Variants in NKAIN2 observed in about 807,000 individuals in gnomAD.
NKAIN2 encodes sodium/potassium-transporting ATPase subunit beta-1-interacting protein 2.
Under a neutral mutation model 32.6 loss-of-function variants are expected in NKAIN2, and 14 were observed. The observed-to-expected ratio is 0.43, with a 90% CI of 0.28 to 0.67. The LOEUF is 0.67. Among genes scored for constraint, NKAIN2 ranks in the 30% least tolerant of loss-of-function variants. The probability of loss-of-function intolerance (pLI) is 0.17; values close to 1 mark genes in which losing one functional copy is unlikely to be tolerated. For synonymous variants in NKAIN2, 80 were observed against 87.2 expected (o/e 0.92, Z 0.46); for missense variants, 198 against 258.3 (o/e 0.77, Z 1.60).
At chr6:124,401,806 A>G (rs1169158561) in intron 3 of NKAIN2, among the ~76,000 whole-genome samples, 1 of 152,062 alleles carries the variant, frequency 6.6e-6, no homozygotes, top group East Asian at 1.9e-4. Flanking sequence ...TCTGGTTTTG[A>G]ACTCCCTGCT....
intron 3 of NKAIN2, among the ~76,000 whole-genome samples, chr6:124,427,567 G>A (rs1384613204): frequency 6.6e-6 from 1 of 152,160 alleles, no homozygotes; most frequent in African/African-American, 2.4e-5. Context: ...GGACTTTTCA[G>A]CAAATCATTG....
chr6:124,469,409 A>G (rs1216841480), intron 3 of NKAIN2, among the ~76,000 whole-genome samples: 1 of 152,172 alleles, frequency 6.6e-6, no homozygotes, highest in Non-Finnish European at 1.5e-5. Context: ...AAATGCATAT[A>G]TTAATGGACC....
At chr6:124,451,990 T>G (rs578101509) in intron 3 of NKAIN2, among the ~76,000 whole-genome samples, 5 of 151,956 alleles carry the variant, frequency 3.3e-5, no homozygotes, top group African/African-American at 1.2e-4. Context: ...AGTCCAGGAG[T>G]TTGAGACCAG....
chr6:123,991,878 G>A (rs547740489), intron 1 of NKAIN2, among the ~76,000 whole-genome samples: 17 of 151,592 alleles, frequency 1.1e-4, no homozygotes, highest in African/African-American at 3.6e-4. Flanking sequence ...GTGTGTGTGT[G>A]TATATATATA....
At chr6:123,969,024 T>C (rs953178521) in intron 1 of NKAIN2, among the ~76,000 whole-genome samples, 2 of 152,138 alleles carry the variant, frequency 1.3e-5, no homozygotes, top group African/African-American at 4.8e-5. Flanking sequence ...CCCCACTTTA[T>C]AGTTCTGACT....
chr6:124,228,259 G>A (rs1792226901), intron 1 of NKAIN2, among the ~76,000 whole-genome samples: 1 of 152,066 alleles, frequency 6.6e-6, no homozygotes, highest in Admixed American at 6.6e-5. Flanking sequence ...CTTCCCAAAT[G>A]GGCTTAGTGC....
chr6:124,606,099 A>G (rs973689321), intron 3 of NKAIN2, among the ~76,000 whole-genome samples: 16 of 152,056 alleles, frequency 1.1e-4, no homozygotes, highest in Non-Finnish European at 1.5e-5. Context: ...TTTGTCACTT[A>G]CACTTTATAT....
intron 3 of NKAIN2, among the ~76,000 whole-genome samples, chr6:124,403,301 T>TG (rs1773708445): frequency 2.4e-5 from 3 of 127,258 alleles, no homozygotes; most frequent in African/African-American, 1.5e-4. Context: ...ATCAATTTGA[T>TG]TTTTTGTGTA....
At chr6:123,994,030 G>GGAATTTTGTATTTGA (rs1347113569) in intron 1 of NKAIN2, among the ~76,000 whole-genome samples, 2 of 152,064 alleles carry the variant, frequency 1.3e-5, no homozygotes, top group African/African-American at 4.8e-5. Context: ...ATTGACCACA[G>GGAATTTTGTATTTGA]CCATCACTGC....
intron 3 of NKAIN2, among the ~76,000 whole-genome samples, chr6:124,629,693 G>T (rs1783488070): frequency 1.3e-5 from 2 of 152,016 alleles, no homozygotes; most frequent in African/African-American, 4.8e-5. Flanking sequence ...TCCCAATGTA[G>T]AGATACTATA....
chr6:124,105,108 A>T (rs1785058431), intron 1 of NKAIN2, among the ~76,000 whole-genome samples: 1 of 152,218 alleles, frequency 6.6e-6, no homozygotes, highest in Admixed American at 6.5e-5. Context: ...CAGCAGGATG[A>T]TATAGCCGTG....
At chr6:124,664,793 C>CAAAAAAAAA (rs57032378) in intron 4 of NKAIN2, among the ~76,000 whole-genome samples, 2 of 40,804 alleles carry the variant, frequency 4.9e-5, no homozygotes, top group African/African-American at 9.8e-5. Flanking sequence ...GACTCCGTCT[C>CAAAAAAAAA]AAAAAAAAAA....
intron 3 of NKAIN2, among the ~76,000 whole-genome samples, chr6:124,510,454 T>C (rs1455443074): frequency 2.6e-5 from 4 of 152,220 alleles, no homozygotes; most frequent in Non-Finnish European, 5.9e-5. Flanking sequence ...TCCAGTGTAA[T>C]GCTTAAATGC....
intron 1 of NKAIN2, among the ~76,000 whole-genome samples, chr6:124,033,957 C>T (rs1021670048): frequency 6.6e-6 from 1 of 151,916 alleles, no homozygotes; most frequent in Non-Finnish European, 1.5e-5. Context: ...AAGGAGAGTA[C>T]ATGTTCACAA....
At chr6:123,996,511 A>G (rs1236411111) in intron 1 of NKAIN2, among the ~76,000 whole-genome samples, 2 of 152,270 alleles carry the variant, frequency 1.3e-5, no homozygotes, top group East Asian at 1.9e-4. Context: ...AAAGGAGCTC[A>G]TGATGGCAAA....
chr6:124,478,678 A>G (rs1469004961), intron 3 of NKAIN2, among the ~76,000 whole-genome samples: 1 of 152,228 alleles, frequency 6.6e-6, no homozygotes, highest in African/African-American at 2.4e-5. Context: ...CTATTCTGAT[A>G]TAAGTAAATG....
At chr6:124,219,401 C>T (rs1381127856) in intron 1 of NKAIN2, among the ~76,000 whole-genome samples, 1 of 151,764 alleles carries the variant, frequency 6.6e-6, no homozygotes, top group East Asian at 1.9e-4. Context: ...CCTCAGCCTC[C>T]TGAGCAGCTG....
chr6:124,507,641 A>G (rs1413542634), intron 3 of NKAIN2, among the ~76,000 whole-genome samples: 1 of 152,168 alleles, frequency 6.6e-6, no homozygotes, highest in Non-Finnish European at 1.5e-5. Flanking sequence ...TGACTTTTTA[A>G]TAGACATGTA....
chr6:124,782,724 G>A (rs1779329219), intron 4 of NKAIN2, among the ~76,000 whole-genome samples: 1 of 151,792 alleles, frequency 6.6e-6, no homozygotes, highest in African/African-American at 2.4e-5. Flanking sequence ...TCCCCAAAGA[G>A]CTATGTAGTG....
Sources: gnomAD v4.1 joint callset for allele counts (sites outside exome capture counted in the v4.1 genomes callset) on GRCh38, gnomAD v4.1.1 for gene constraint, MANE v1.5 for transcripts, NCBI Gene and HGNC (gene_info 2026-07-23, HGNC 2026-07-21) for gene names.